ADGRL3: variants seen among roughly 807,000 people sequenced by gnomAD.
ADGRL3 encodes adhesion G protein-coupled receptor L3, also known as calcium-independent alpha-latrotoxin receptor 3.
Under a neutral mutation model 153.5 loss-of-function variants are expected in ADGRL3, and 62 were observed. The observed-to-expected ratio is 0.40, with a 90% CI of 0.33 to 0.50. The LOEUF (loss-of-function observed/expected upper bound fraction) is 0.50. ADGRL3 is among the 20% of genes least tolerant of loss of function. The probability of loss-of-function intolerance (pLI) is 0.47; values close to 1 mark genes in which losing one functional copy is unlikely to be tolerated. For synonymous variants in ADGRL3, 710 were observed against 672.5 expected (o/e 1.06, Z -0.86); for missense variants, 1,641 against 1,859.4 (o/e 0.88, Z 2.16).
At chr4:62,045,420 A>AT (rs1730587998) in intron 25 of ADGRL3, among the ~76,000 whole-genome samples, 1 of 151,982 alleles carries the variant, frequency 6.6e-6, no homozygotes, top group South Asian at 2.1e-4. Flanking sequence ...AATTTAAGGT[A>AT]TTTTTATGAT....
At chr4:62,017,405 A>C (rs2151328879) in intron 21 of ADGRL3, among the ~76,000 whole-genome samples, 1 of 151,740 alleles carries the variant, frequency 6.6e-6, no homozygotes. Flanking sequence ...AAAAATACTA[A>C]AGTTCATAAA....
intron 17 of ADGRL3, among the ~76,000 whole-genome samples, chr4:61,964,838 A>G (rs2099000293): frequency 6.6e-6 from 1 of 151,990 alleles, no homozygotes; most frequent in Non-Finnish European, 1.5e-5. Flanking sequence ...AGCAGAAGAA[A>G]CATAGAAACC....
chr4:61,453,362 A>G (rs929383778), intron 2 of ADGRL3, among the ~76,000 whole-genome samples: 1 of 152,114 alleles, frequency 6.6e-6, no homozygotes, highest in African/African-American at 2.4e-5. Context: ...TTACATTCTC[A>G]ATTCTTTTCA....
At chr4:61,269,281 C>T (rs189844601) in intron 1 of ADGRL3, among the ~76,000 whole-genome samples, 2 of 151,524 alleles carry the variant, frequency 1.3e-5, no homozygotes, top group Admixed American at 6.6e-5. Context: ...TAGCTTTTTG[C>T]CTTCTCCTTC....
At chr4:61,504,343 AT>A (rs942610830) in intron 3 of ADGRL3, among the ~76,000 whole-genome samples, 5 of 151,822 alleles carry the variant, frequency 3.3e-5, no homozygotes, top group African/African-American at 1.2e-4. Context: ...TTCATTCAGA[AT>A]TTTTTTAAAA....
chr4:61,318,193 C>CAAAAAAAA (rs757545966), intron 1 of ADGRL3, among the ~76,000 whole-genome samples: 3 of 48,582 alleles, frequency 6.2e-5, no homozygotes, highest in Non-Finnish European at 9.6e-5. Context: ...GAACCTGTCT[C>CAAAAAAAA]AAAAAAAAAA....
intron 3 of ADGRL3, among the ~76,000 whole-genome samples, chr4:61,511,687 A>C (rs1378373013): frequency 6.6e-6 from 1 of 152,032 alleles, no homozygotes; most frequent in African/African-American, 2.4e-5. Context: ...CTAGAGAAGG[A>C]ACCTGTTGAG....
chr4:61,978,492 T>C (rs1419841118), intron 17 of ADGRL3, among the ~76,000 whole-genome samples: 1 of 152,216 alleles, frequency 6.6e-6, no homozygotes, highest in Non-Finnish European at 1.5e-5. Context: ...TAGGTATTTA[T>C]GGCTCTTCAA....
chr4:61,306,238 C>T (rs1009616284), intron 1 of ADGRL3, among the ~76,000 whole-genome samples: 3 of 151,982 alleles, frequency 2.0e-5, no homozygotes, highest in Admixed American at 6.6e-5. Context: ...GCTGGGACTA[C>T]AGGTACCCGC....
chr4:61,223,256 C>A (rs997786324), intron 1 of ADGRL3, among the ~76,000 whole-genome samples: 1 of 152,014 alleles, frequency 6.6e-6, no homozygotes, highest in Non-Finnish European at 1.5e-5. Flanking sequence ...TGTTAGAGTG[C>A]CAAAGAAAAG....
intron 2 of ADGRL3, among the ~76,000 whole-genome samples, chr4:61,474,556 G>GT (rs1038678149): frequency 2.0e-5 from 3 of 152,036 alleles, no homozygotes; most frequent in African/African-American, 4.8e-5. Context: ...GCCCTAAAGG[G>GT]TTTTTTAAGA....
At chr4:61,521,242 C>A (rs984123760) in intron 4 of ADGRL3, among the ~76,000 whole-genome samples, 2 of 151,980 alleles carry the variant, frequency 1.3e-5, no homozygotes, top group African/African-American at 2.4e-5. Context: ...TAGTAGTTTG[C>A]CAAGCACAGA....
chr4:62,018,114 G>A (rs1031101141), intron 21 of ADGRL3, among the ~76,000 whole-genome samples: 7 of 152,196 alleles, frequency 4.6e-5, no homozygotes, highest in African/African-American at 9.6e-5. Flanking sequence ...TGTACTGCAC[G>A]GAGGTCATAA....
chr4:62,054,158 A>T (rs543978637), intron 25 of ADGRL3, among the ~76,000 whole-genome samples: 1 of 151,614 alleles, frequency 6.6e-6, no homozygotes, highest in Non-Finnish European at 1.5e-5. Context: ...GTTTACTGCT[A>T]TTTTGCCTGT....
chr4:61,882,802 T>C (rs966534257), intron 9 of ADGRL3, among the ~76,000 whole-genome samples: 20 of 152,210 alleles, frequency 1.3e-4, no homozygotes, highest in Non-Finnish European at 2.4e-4. Context: ...CAGGCTATGC[T>C]TGACACCCAC....
At chr4:61,476,969 T>A (rs1208178224) in intron 2 of ADGRL3, among the ~76,000 whole-genome samples, 1 of 151,890 alleles carries the variant, frequency 6.6e-6, no homozygotes. Context: ...TTTATGTAGT[T>A]AGTTATTTTG....
intron 2 of ADGRL3, among the ~76,000 whole-genome samples, chr4:61,389,575 T>C (rs1398891558): frequency 6.6e-6 from 1 of 151,684 alleles, no homozygotes; most frequent in East Asian, 1.9e-4. Context: ...ATTAATTGTG[T>C]CGCTTTTTTA....
chr4:61,550,614 A>G (rs1387150858), intron 4 of ADGRL3, among the ~76,000 whole-genome samples: 1 of 151,702 alleles, frequency 6.6e-6, no homozygotes, highest in East Asian at 1.9e-4. Flanking sequence ...TATTTGAAGT[A>G]GTAGTCAAGC....
intron 6 of ADGRL3, among the ~76,000 whole-genome samples, chr4:61,678,668 A>G (rs902189653): frequency 2.0e-5 from 3 of 152,004 alleles, no homozygotes; most frequent in African/African-American, 7.2e-5. Context: ...TAATCCTGAA[A>G]GTTTACTGCC....
Sources: gnomAD v4.1 joint callset for allele counts (sites outside exome capture counted in the v4.1 genomes callset) on GRCh38, gnomAD v4.1.1 for gene constraint, MANE v1.5 for transcripts, NCBI Gene and HGNC (gene_info 2026-07-23, HGNC 2026-07-21) for gene names.